The following CHMP4C variants were observed in gnomAD, a reference collection of about 807,000 sequenced individuals.
The protein encoded by CHMP4C is charged multivesicular body protein 4C.
A neutral mutation model predicts 29.0 loss-of-function variants in CHMP4C; 28 were observed. The ratio of observed to expected loss-of-function variants is 0.97; its 90% CI spans 0.72 to 1.32. CHMP4C has a LOEUF of 1.32. Among genes scored for constraint, CHMP4C ranks in the 40% most tolerant of loss-of-function variants. The pLI is 0.00. For missense variants in CHMP4C, 291 were observed against 281.0 expected (o/e 1.04, Z -0.25); for synonymous variants, 106 against 102.4 (o/e 1.04, Z -0.21).
rs147304043 is a variant in CHMP4C, at chr8:81,753,186, G to A, written c.313G>A (p.Val105Met). 6.2e-7 allele frequency: 1 copy of A among 1,611,364 alleles called. No homozygotes were observed. The highest frequency in any genetic ancestry group is 2.2e-5 in the East Asian group (1 of 44,816). Reference protein sequence around the residue: ...ALENSHTNTEVLRNMGFAAKA... With the variant: ...ALENSHTNTEMLRNMGFAAKA... ...GGAGAACTCACACACCAACACTGAG[G>A]TGTTGAGGAACATGGGCTTTGCAGC... Residue 105 changes from valine to methionine, a missense_variant, in exon 2 of 5, where the codon GTG becomes ATG. Transcript: ENST00000297265.
At chr8:81,755,270 G>A (rs1258684685) in intron 2 of CHMP4C, 100 bp from the exon 3 acceptor site, 4 of 510,804 alleles carry the variant, frequency 7.8e-6, no homozygotes, top group Admixed American at 7.2e-5. Flanking sequence ...AAATAACTAA[G>A]AATTTATATT....
intron 1 of CHMP4C, among the ~76,000 whole-genome samples, chr8:81,734,037 G>T (rs1808652947): frequency 6.6e-6 from 1 of 152,118 alleles, no homozygotes; most frequent in Admixed American, 6.5e-5. Flanking sequence ...CTGTTTTATT[G>T]CATATAACTT....
chr8:81,753,529 G>A (rs531376259), intron 2 of CHMP4C, among the ~76,000 whole-genome samples: 32 of 152,092 alleles, frequency 2.1e-4, no homozygotes, highest in Non-Finnish European at 4.3e-4. Context: ...AAAAGGCTTC[G>A]ATTTCAACCT....
chr8:81,750,830 A>C (rs1808892816), intron 1 of CHMP4C, among the ~76,000 whole-genome samples: 1 of 152,120 alleles, frequency 6.6e-6, no homozygotes, highest in Non-Finnish European at 1.5e-5. Context: ...GGAAGATTTG[A>C]GCCTTCAGAC....
Position 81,755,992 on chromosome 8 carries a change from G to A in CHMP4C, c.483+508G>A, listed in dbSNP as rs140589150. Among the ~76,000 whole-genome samples the A allele has an allele frequency of 1.8e-3, 275 of 152,274 alleles. 1 individual carries two copies. Among genetic ancestry groups the A allele is most frequent in the African/African-American group, 6.5e-3 (272 of 41,554 alleles). On this transcript the variant is annotated intron_variant, in intron 3 of 4. Transcript: ENST00000297265. ...ATACAGACAGACTATAATTATAATG[G>A]TGATGTCTGCACTGTGAATTTCAAT...
rs748794014 is a variant in CHMP4C, at chr8:81,742,859, GC to G, written c.190+10044del. On this transcript the variant is annotated intron_variant, in intron 1 of 4. Coordinates refer to ENST00000297265, the MANE Select transcript of CHMP4C (RefSeq NM_152284.4). ...AAAGACCCCGTATGTAAGAGCCTATGCTTTATCATTTTGTGAGCAGTTTGAA... is the reference window on the plus strand; with the variant it reads ...AAAGACCCCGTATGTAAGAGCCTATGTTTATCATTTTGTGAGCAGTTTGAA... Among the ~76,000 whole-genome samples the G allele has an allele frequency of 4.6e-5, 7 of 152,232 alleles. No individual in the cohort carries two copies. In the East Asian group the frequency reaches 7.7e-4, roughly 17 times the overall value.
intron 1 of CHMP4C, among the ~76,000 whole-genome samples, chr8:81,738,285 C>T (rs1040250667): frequency 6.6e-6 from 1 of 152,154 alleles, no homozygotes; most frequent in Non-Finnish European, 1.5e-5. Flanking sequence ...GGCCAAAACC[C>T]CTACTCAATA....
At position 81,732,675 on chromosome 8, in the gene CHMP4C, C is replaced by T. The variant is rs763091055; in HGVS notation, c.49C>T (p.Arg17Ter). 1 of 1,571,692 alleles carries T rather than the reference C, an allele frequency of 6.4e-7. No individual in the cohort carries two copies. The highest frequency in any genetic ancestry group is 8.6e-7 in the Non-Finnish European group (1 of 1,159,106). Residue 17 changes from arginine to a stop codon, truncating the protein, a stop_gained, in exon 1 of 5, where the codon CGA (arginine) becomes TGA (stop). Coordinates refer to ENST00000297265, the MANE Select transcript of CHMP4C (RefSeq NM_152284.4). LOFTEE classifies it high-confidence loss of function. ...TAAAGGGGGCGGCTCTTCTAAGAGCCGAGCCGCTCCCAGTCCCCAGGAGGC... is the reference window on the plus strand; with the variant it reads ...TAAAGGGGGCGGCTCTTCTAAGAGCTGAGCCGCTCCCAGTCCCCAGGAGGC... ...FFKGGGSSKS[R>*]AAPSPQEALV...
chr8:81,758,536 G>T lies in CHMP4C; in HGVS notation c.694G>T (p.Ala232Ser). ...DDDIKQLAAWAT is the reference protein window; with the variant it reads ...DDDIKQLAAWST ...TGATATCAAACAATTGGCAGCTTGGGCTACCTAAACTAAAACACATTTTTG... is the reference window on the plus strand; with the variant it reads ...TGATATCAAACAATTGGCAGCTTGGTCTACCTAAACTAAAACACATTTTTG... The change falls in exon 5 of 5, where the codon GCT (alanine) becomes TCT (serine). Residue 232 changes from alanine (A) to serine (S), a missense_variant. Physicochemically the swap from Ala to Ser is moderately conservative, Grantham distance 99. Transcript: ENST00000297265. 6.2e-7 allele frequency: 1 copy of T among 1,609,298 alleles called. No individual in the cohort carries two copies. Among genetic ancestry groups the T allele is most frequent in the South Asian group, 1.1e-5 (1 of 90,978 alleles).
chr8:81,736,510 C>T (rs762834743), intron 1 of CHMP4C, among the ~76,000 whole-genome samples: 13 of 152,126 alleles, frequency 8.5e-5, no homozygotes, highest in Non-Finnish European at 1.6e-4. Context: ...TTTAGAGACA[C>T]TTCCAATACC....
chr8:81,736,969 A>G (rs1356409339), intron 1 of CHMP4C, among the ~76,000 whole-genome samples: 1 of 152,238 alleles, frequency 6.6e-6, no homozygotes, highest in Non-Finnish European at 1.5e-5. Flanking sequence ...TTGAGTAAAC[A>G]TGAACAAATT....
chr8:81,748,714 G>A (rs1808861061), intron 1 of CHMP4C, among the ~76,000 whole-genome samples: 1 of 152,016 alleles, frequency 6.6e-6, no homozygotes, highest in African/African-American at 2.4e-5. Flanking sequence ...CGATCACGAG[G>A]TCAGGAGATT....
intron 1 of CHMP4C, among the ~76,000 whole-genome samples, chr8:81,735,186 G>A (rs115036238): frequency 0.018 from 2,810 of 152,158 alleles, 79 homozygotes; most frequent in African/African-American, 0.061. Flanking sequence ...GAGCCACTGC[G>A]CCTAGCCCTA....
intron 4 of CHMP4C, 24 bp downstream of exon 4, chr8:81,758,319 T>C (rs746213141): frequency 4.3e-6 from 7 of 1,612,750 alleles, no homozygotes; most frequent in Middle Eastern, 1.7e-4. Flanking sequence ...CTCAACTACA[T>C]GTGGTCAGAT....
intron 1 of CHMP4C, among the ~76,000 whole-genome samples, chr8:81,735,357 C>G (rs955491871): frequency 3.3e-5 from 5 of 152,128 alleles, no homozygotes; most frequent in African/African-American, 9.7e-5. Flanking sequence ...ATCTTAGGCT[C>G]CTGCGTTGGT....
Position 81,753,096 on chromosome 8 carries a change from T to G in CHMP4C, c.223T>G (p.Phe75Val), listed in dbSNP as rs1585947176. 6.2e-7 allele frequency: 1 copy of G among 1,611,728 alleles called. No homozygotes were observed. The highest frequency in any genetic ancestry group is 1.1e-5 in the South Asian group (1 of 90,546). Reference protein sequence around the residue: ...ALQALKRKKRFEKQLTQIDGT... With the variant: ...ALQALKRKKRVEKQLTQIDGT... The stretch of plus-strand genomic sequence containing the variant: ...ACAGGCACTAAAGAGAAAGAAGAGG[T>G]TCGAGAAACAGCTCACTCAGATTGA... The change falls in exon 2 of 5, where the codon TTC (phenylalanine) becomes GTC (valine). Residue 75 changes from phenylalanine to valine, a missense_variant. Phe to Val is a conservative substitution (Grantham distance 50). Transcript: ENST00000297265.
intron 1 of CHMP4C, among the ~76,000 whole-genome samples, chr8:81,744,563 C>T (rs991995398): frequency 2.0e-5 from 3 of 152,108 alleles, no homozygotes; most frequent in Admixed American, 6.6e-5. Flanking sequence ...TGAAGCCTTC[C>T]CTTACCCTCC....
intron 3 of CHMP4C, among the ~76,000 whole-genome samples, chr8:81,756,885 G>C (rs1808980028): frequency 6.6e-6 from 1 of 152,056 alleles, no homozygotes; most frequent in Non-Finnish European, 1.5e-5. Flanking sequence ...TTCCATTTTA[G>C]TCATATAGCC....
chr8:81,757,412 G>A (rs1431120111), intron 3 of CHMP4C, among the ~76,000 whole-genome samples: 1 of 152,108 alleles, frequency 6.6e-6, no homozygotes, highest in South Asian at 2.1e-4. Context: ...TCTCTGAGAG[G>A]GGTTGGACTC....
Sources: allele counts gnomAD v4.1 joint callset (sites outside exome capture counted in the v4.1 genomes callset), GRCh38; gene constraint gnomAD v4.1.1; transcripts MANE v1.5; gene names NCBI Gene and HGNC (gene_info 2026-07-23, HGNC 2026-07-21).